Variants in TGFB2 observed in about 807,000 individuals in gnomAD.
TGFB2 encodes transforming growth factor beta 2.
TGFB2 carries 13 observed loss-of-function variants against 42.7 expected under a neutral mutation model. The observed-to-expected ratio is 0.30, with a 90% CI of 0.20 to 0.48. The LOEUF is 0.48. Ranked by LOEUF, TGFB2 falls within the 20% of genes least tolerant of loss-of-function variation. The pLI is 0.99. For missense variants in TGFB2, 390 were observed against 517.5 expected, an observed-to-expected ratio of 0.75 and a Z score of 2.39; for synonymous variants, 193 against 193.6, an observed-to-expected ratio of 1.00 and a Z score of 0.03.
intron 1 of TGFB2, among the ~76,000 whole-genome samples, chr1:218,391,193 C>T (rs1391406420): frequency 2.6e-5 from 4 of 152,198 alleles, no homozygotes; most frequent in Non-Finnish European, 5.9e-5. Flanking sequence ...CCAGAACCTT[C>T]CTGAGTTCTG....
chr1:218,379,493 T>C (rs1330951790), intron 1 of TGFB2, among the ~76,000 whole-genome samples: 1 of 150,420 alleles, frequency 6.6e-6, no homozygotes, highest in African/African-American at 2.4e-5. Flanking sequence ...CTTTCTTTTT[T>C]TTTTTTTTAC....
intron 1 of TGFB2, among the ~76,000 whole-genome samples, chr1:218,390,075 A>T (rs1309395178): frequency 1.3e-5 from 2 of 152,218 alleles, no homozygotes; most frequent in African/African-American, 4.8e-5. Flanking sequence ...CACATTTATA[A>T]ACCACTGGCT....
intron 1 of TGFB2, among the ~76,000 whole-genome samples, chr1:218,362,073 C>A (rs1335451074): frequency 6.6e-6 from 1 of 152,118 alleles, no homozygotes; most frequent in African/African-American, 2.4e-5. Context: ...TGATAGTGGG[C>A]TGAATATTGG....
At chr1:218,386,921 C>A (rs1200768147) in intron 1 of TGFB2, among the ~76,000 whole-genome samples, 1 of 152,098 alleles carries the variant, frequency 6.6e-6, no homozygotes, top group Non-Finnish European at 1.5e-5. Context: ...TTTAAAGATA[C>A]AGAAATAAAG....
chr1:218,362,568 A>T (rs1175661833), intron 1 of TGFB2, among the ~76,000 whole-genome samples: 1 of 152,178 alleles, frequency 6.6e-6, no homozygotes, highest in Non-Finnish European at 1.5e-5. Context: ...TTCTGCAAAA[A>T]TTCTATATTT....
intron 1 of TGFB2, among the ~76,000 whole-genome samples, chr1:218,396,620 A>ATTTC (rs1658521985): frequency 1.3e-5 from 2 of 152,080 alleles, no homozygotes; most frequent in African/African-American, 4.8e-5. Context: ...GCTATATAGA[A>ATTTC]AGTAAGTCCC....
rs1262394311 is a variant in TGFB2, at chr1:218,441,445, G to A, written c.*83G>A. ...ACGACAACGATGATGCTTGTAACAAGAAAACATAAGAGAGCCTTGGTTCAT... is the reference window on the plus strand; with the variant it reads ...ACGACAACGATGATGCTTGTAACAAAAAAACATAAGAGAGCCTTGGTTCAT... On this transcript the variant is annotated 3_prime_UTR_variant, in exon 7 of 7. Transcript: ENST00000366930. The A allele has an allele frequency of 3.5e-6, 5 of 1,425,684 alleles. No individual in the cohort carries two copies. In the African/African-American group the frequency reaches 7.2e-5, roughly 21 times the overall value. 88.3% of individuals were successfully genotyped at this position (1,425,684 alleles called of 1,614,324 possible).
chr1:218,419,580 G>GT (rs1659389218), intron 2 of TGFB2, among the ~76,000 whole-genome samples: 1 of 152,108 alleles, frequency 6.6e-6, no homozygotes, highest in Admixed American at 6.6e-5. Flanking sequence ...TTCAATAAGT[G>GT]TTTTTTAATG....
At chr1:218,397,183 G>C (rs1658545131) in intron 1 of TGFB2, among the ~76,000 whole-genome samples, 1 of 151,650 alleles carries the variant, frequency 6.6e-6, no homozygotes, top group African/African-American at 2.4e-5. Flanking sequence ...CAGGTGAGTT[G>C]CGTGAACCCA....
chr1:218,415,305 TAGGG>T (rs1659237168), intron 2 of TGFB2, among the ~76,000 whole-genome samples: 1 of 152,178 alleles, frequency 6.6e-6, no homozygotes, highest in Non-Finnish European at 1.5e-5. Flanking sequence ...CTTCTTGCTG[TAGGG>T]TCTGGGTTCT....
At chr1:218,395,985 A>G (rs1361357853) in intron 1 of TGFB2, among the ~76,000 whole-genome samples, 1 of 152,190 alleles carries the variant, frequency 6.6e-6, no homozygotes, top group Non-Finnish European at 1.5e-5. Context: ...AAGGTATTAT[A>G]AAATGAGAAG....
At chr1:218,401,196 C>T (rs937212778) in intron 1 of TGFB2, among the ~76,000 whole-genome samples, 15 of 152,210 alleles carry the variant, frequency 9.9e-5, no homozygotes, top group East Asian at 9.7e-4. Flanking sequence ...ACATACAATA[C>T]GTTGGTAAAT....
At chr1:218,364,187 T>C (rs1426009442) in intron 1 of TGFB2, among the ~76,000 whole-genome samples, 3 of 152,170 alleles carry the variant, frequency 2.0e-5, no homozygotes, top group Non-Finnish European at 4.4e-5. Flanking sequence ...TCTCGTTTGC[T>C]TAAGGAAATG....
At chr1:218,378,384 C>G (rs148503993) in intron 1 of TGFB2, among the ~76,000 whole-genome samples, 9,877 of 152,218 alleles carry the variant, frequency 0.065, 427 homozygotes, top group Non-Finnish European at 0.093. Context: ...GCCATGTTGG[C>G]CAGGCTGGTT....
intron 1 of TGFB2, among the ~76,000 whole-genome samples, chr1:218,373,578 A>G (rs1207219487): frequency 6.6e-6 from 1 of 152,008 alleles, no homozygotes; most frequent in Non-Finnish European, 1.5e-5. Context: ...TATAAACACT[A>G]TTATTATTCT....
At position 218,346,891 on chromosome 1, in the gene TGFB2, C is replaced by T. The variant is rs761602500; in HGVS notation, c.190C>T (p.Pro64Ser). The T allele has an allele frequency of 1.2e-6, 2 of 1,614,176 alleles. No homozygotes were observed. Among genetic ancestry groups the T allele is most frequent in the Non-Finnish European group, 1.7e-6 (2 of 1,180,026 alleles). The change falls in exon 1 of 7, where the codon CCC becomes TCC. Residue 64 changes from proline to serine, a missense_variant. Coordinates refer to ENST00000366930, the MANE Select transcript of TGFB2 (RefSeq NM_003238.6). The surrounding 1 kb of genome is among the most constrained non-coding windows in gnomAD (Gnocchi z 4.9). Reference protein sequence around the residue: ...PEDYPEPEEVPPEVISIYNST... With the variant: ...PEDYPEPEEVSPEVISIYNST... ...AGACTATCCTGAGCCCGAGGAAGTC[C>T]CCCCGGAGGTGATTTCCATCTACAA...
intron 1 of TGFB2, among the ~76,000 whole-genome samples, chr1:218,380,009 C>T (rs981599325): frequency 5.9e-5 from 9 of 152,136 alleles, no homozygotes; most frequent in Non-Finnish European, 1.5e-5. Flanking sequence ...CTTTTAGAGA[C>T]ATCGATATTC....
At position 218,443,816 on chromosome 1, in the gene TGFB2, A is replaced by G. The variant is rs1232742390; in HGVS notation, c.*2454A>G. On this transcript the variant is annotated 3_prime_UTR_variant, in exon 7 of 7. Transcript: ENST00000366930. ...GGCAAGGAAGGGGTGAAGTGCTAGT[A>G]TGCAAGTGGGCAGCAATTATTTTTG... 6.6e-6 allele frequency: 1 copy of G among 151,666 alleles called. No individual in the cohort carries two copies. The highest frequency in any genetic ancestry group is 1.9e-4 in the East Asian group (1 of 5,160). 9.4% of individuals were successfully genotyped at this position (151,666 alleles called of 1,614,324 possible).
intron 1 of TGFB2, among the ~76,000 whole-genome samples, chr1:218,350,024 T>C (rs144966846): frequency 8.5e-4 from 129 of 152,328 alleles, no homozygotes; most frequent in African/African-American, 2.9e-3. Flanking sequence ...GTTTGCCCAC[T>C]GGGAATTAGT....
Sources: allele counts gnomAD v4.1 joint callset (sites outside exome capture counted in the v4.1 genomes callset), GRCh38; gene constraint gnomAD v4.1.1; non-coding constraint Gnocchi (gnomAD v3.1); transcripts MANE v1.5; gene names NCBI Gene and HGNC (gene_info 2026-07-23, HGNC 2026-07-21).